The following NIPBL variants were observed in gnomAD, a reference collection of about 807,000 sequenced individuals.
NIPBL encodes the protein NIPBL cohesin loading factor, also known as nipped-B-like protein.
A neutral mutation model predicts 321.8 loss-of-function variants in NIPBL; 19 were observed. The observed-to-expected ratio is 0.06, with a 90% CI of 0.04 to 0.09. The LOEUF (loss-of-function observed/expected upper bound fraction) is 0.09, where lower values mean the gene tolerates loss of function less well. NIPBL is among the 10% of genes least tolerant of loss of function. The pLI, the probability that NIPBL is intolerant of heterozygous loss-of-function variation, is 1.00. For missense variants in NIPBL, 2,210 were observed against 3,327.0 expected (o/e 0.66, Z 8.26); for synonymous variants, 1,106 against 1,114.1 (o/e 0.99, Z 0.14).
At chr5:36,997,827 A>G (rs902416997) in intron 11 of NIPBL, among the ~76,000 whole-genome samples, 1 of 152,208 alleles carries the variant, frequency 6.6e-6, no homozygotes, top group African/African-American at 2.4e-5. Context: ...AGCACAATAC[A>G]AAATGTGAAA....
chr5:36,887,071 T>G (rs1316689099), intron 1 of NIPBL, among the ~76,000 whole-genome samples: 2 of 152,210 alleles, frequency 1.3e-5, no homozygotes, highest in African/African-American at 4.8e-5. Flanking sequence ...TTGAACATTT[T>G]ACTTGCTCAT....
chr5:36,933,030 T>C (rs1749899549), intron 1 of NIPBL, among the ~76,000 whole-genome samples: 2 of 152,020 alleles, frequency 1.3e-5, no homozygotes, highest in South Asian at 2.1e-4. Context: ...GTTATTTCCT[T>C]GGAGGTTACT....
At chr5:36,931,966 A>G (rs1425870126) in intron 1 of NIPBL, among the ~76,000 whole-genome samples, 1 of 152,100 alleles carries the variant, frequency 6.6e-6, no homozygotes, top group Non-Finnish European at 1.5e-5. Flanking sequence ...CTTTAGCTGT[A>G]TCCCATGAAG....
At chr5:36,885,105 A>G (rs1458335713) in intron 1 of NIPBL, 1 of 311,288 alleles carries the variant, frequency 3.2e-6, no homozygotes, top group Non-Finnish European at 6.3e-6. Flanking sequence ...ATATATAATC[A>G]GATAAGTTAA....
chr5:36,933,845 C>T (rs11743833), intron 1 of NIPBL, among the ~76,000 whole-genome samples: 17,559 of 151,744 alleles, frequency 0.12, 1,099 homozygotes, highest in Admixed American at 0.18. Context: ...GGATTTTATT[C>T]TCAATTTTCC....
intron 1 of NIPBL, among the ~76,000 whole-genome samples, chr5:36,877,417 G>T (rs916453246): frequency 6.6e-6 from 1 of 152,202 alleles, no homozygotes. Flanking sequence ...CCGGGGAGGC[G>T]TAGGCCCGGC....
intron 1 of NIPBL, among the ~76,000 whole-genome samples, chr5:36,882,849 A>G (rs1316360472): frequency 6.6e-6 from 1 of 151,776 alleles, no homozygotes; most frequent in Non-Finnish European, 1.5e-5. Context: ...TTGATCAGTT[A>G]TAGCTGATTC....
intron 44 of NIPBL, 143 bp from the exon 45 acceptor site, chr5:37,060,701 A>G: frequency 1.4e-6 from 1 of 717,466 alleles, no homozygotes; most frequent in Non-Finnish European, 2.3e-6. Context: ...ATTGTATTGA[A>G]GCTGTCCTAG....
chr5:36,992,532 A>T (rs1453945639), intron 10 of NIPBL, among the ~76,000 whole-genome samples: 1 of 151,842 alleles, frequency 6.6e-6, no homozygotes, highest in African/African-American at 2.4e-5. Flanking sequence ...TTGTTTTTTT[A>T]AAGACAGGGT....
At chr5:37,046,046 TA>T in intron 37 of NIPBL, 62 bp from the exon 38 acceptor site, 2 of 849,338 alleles carry the variant, frequency 2.4e-6, no homozygotes, top group Non-Finnish European at 2.0e-6. Flanking sequence ...TTTTTTCCTT[TA>T]TAGTTGAAAA....
chr5:36,989,946 G>GTT (rs535095983), intron 10 of NIPBL, among the ~76,000 whole-genome samples: 1 of 140,906 alleles, frequency 7.1e-6, no homozygotes, highest in Non-Finnish European at 1.6e-5. Context: ...TGATTTTGTT[G>GTT]TTTTTTTTTT....
chr5:36,907,252 C>G (rs1020738576), intron 1 of NIPBL, among the ~76,000 whole-genome samples: 1 of 152,040 alleles, frequency 6.6e-6, no homozygotes, highest in African/African-American at 2.4e-5. Context: ...TTAGTTGTTG[C>G]GATGTCTTTA....
chr5:36,952,037 TGTGTGTGTGTGTGTGTGC>T (rs1740361380), intron 1 of NIPBL, among the ~76,000 whole-genome samples: 1 of 110,076 alleles, frequency 9.1e-6, no homozygotes, highest in African/African-American at 2.9e-5. Flanking sequence ...TGTGTGTGTG[TGTGTGTGTGTGTGTGTGC>T]GCGCGCGCGC....
intron 7 of NIPBL, chr5:36,971,674 T>A: frequency 4.2e-6 from 1 of 240,198 alleles, no homozygotes; most frequent in Non-Finnish European, 6.7e-6. Context: ...TATTCATAGC[T>A]CCTTTTGTAG....
At chr5:36,972,250 C>A (rs1371898342) in intron 8 of NIPBL, among the ~76,000 whole-genome samples, 3 of 152,034 alleles carry the variant, frequency 2.0e-5, no homozygotes, top group African/African-American at 7.2e-5. Flanking sequence ...ACCCAGTAAT[C>A]TGTTGATAGT....
chr5:37,008,427 C>T (rs972816483), intron 19 of NIPBL, among the ~76,000 whole-genome samples, 196 bp from the exon 20 acceptor site: 3 of 151,936 alleles, frequency 2.0e-5, no homozygotes, highest in Non-Finnish European at 4.4e-5. Context: ...ATTTCATAGT[C>T]CTTTAAATGA....
chr5:37,011,302 T>G (rs1181589842), intron 21 of NIPBL, among the ~76,000 whole-genome samples: 3 of 152,194 alleles, frequency 2.0e-5, no homozygotes, highest in Non-Finnish European at 4.4e-5. Flanking sequence ...ATGCCCATAA[T>G]CCCAGCACTT....
rs1385976396 is a variant in NIPBL, at chr5:37,064,652, A to G, written c.8175A>G (p.Ala2725=). Residue 2725 remains alanine (A), a synonymous_variant, in exon 47 of 47, where the codon GCA becomes GCG. Transcript: ENST00000282516. Reference sequence around the variant, plus strand: ...AGTACAAAGATCGACCACAAATTGCAAGAGTAGTGCAGAAAACCAGCAGTG... The same window carrying G: ...AGTACAAAGATCGACCACAAATTGCGAGAGTAGTGCAGAAAACCAGCAGTG... ...CPKYKDRPQI[A]RVVQKTSSGF... is the part of the protein sequence containing the mutation. 12 of 1,614,190 alleles carry G rather than the reference A, an allele frequency of 7.4e-6. No individual in the cohort carries two copies. The highest frequency in any genetic ancestry group is 1.0e-5 in the Non-Finnish European group (12 of 1,180,032).
intron 22 of NIPBL, among the ~76,000 whole-genome samples, 200 bp downstream of exon 22, chr5:37,014,965 A>G (rs189943221): frequency 6.4e-4 from 97 of 152,276 alleles, no homozygotes; most frequent in Non-Finnish European, 1.1e-3. Flanking sequence ...CGGGGGAAAA[A>G]AATCTAAAAT....
Sources: gnomAD v4.1 joint callset for allele counts (sites outside exome capture counted in the v4.1 genomes callset) on GRCh38, gnomAD v4.1.1 for gene constraint, MANE v1.5 for transcripts, NCBI Gene and HGNC (gene_info 2026-07-23, HGNC 2026-07-21) for gene names.